B4GALNT4: variants seen among roughly 807,000 people sequenced by gnomAD.
B4GALNT4 encodes N-acetyl-beta-glucosaminyl-glycoprotein 4-beta-N-acetylgalactosaminyltransferase 1.
Under a neutral mutation model 110.0 loss-of-function variants are expected in B4GALNT4, and 77 were observed. That is an observed-to-expected ratio of 0.70 (90% CI 0.58 to 0.85). B4GALNT4 has a LOEUF of 0.85. Among genes scored for constraint, B4GALNT4 ranks in the 40% least tolerant of loss-of-function variants. The pLI is 0.00. For missense variants in B4GALNT4, 1,575 were observed against 1,506.0 expected (o/e 1.05, Z -0.76); for synonymous variants, 785 against 655.5 (o/e 1.20, Z -3.02).
At chr11:372,552 G>T in intron 2 of B4GALNT4, 110 bp from the exon 3 acceptor site, 1 of 966,386 alleles carries the variant, frequency 1.0e-6, no homozygotes. Flanking sequence ...CGGGCATTTA[G>T]GGCTGTGTGG....
chr11:381,399 G>A (rs1448814671), intron 19 of B4GALNT4, among the ~76,000 whole-genome samples: 1 of 27,394 alleles, frequency 3.7e-5, no homozygotes, highest in South Asian at 1.6e-3. Context: ...CCACCTCTCC[G>A]CCCCCGGCCC....
intron 19 of B4GALNT4, 58 bp downstream of exon 19, chr11:381,009 G>C (rs1312824804): frequency 6.4e-7 from 1 of 1,567,866 alleles, no homozygotes; most frequent in Non-Finnish European, 8.7e-7. Context: ...CTCCTCCTCT[G>C]AATGGGGAAG....
chr11:381,813 C>A lies in B4GALNT4; in HGVS notation c.*21C>A. 3 of 1,558,380 alleles carry A rather than the reference C, an allele frequency of 1.9e-6. No homozygotes were observed. The highest frequency in any genetic ancestry group is 2.6e-6 in the Non-Finnish European group (3 of 1,157,822). On this transcript the variant is annotated 3_prime_UTR_variant, in exon 20 of 20. Coordinates refer to ENST00000329962, the MANE Select transcript of B4GALNT4 (RefSeq NM_178537.5). Reference sequence around the variant, plus strand: ...CTTGAGGACGGGCAGCCCCTCCCAGCCCCGGTGGGAGTCCCGAGGCAGCTG... The same window carrying A: ...CTTGAGGACGGGCAGCCCCTCCCAGACCCGGTGGGAGTCCCGAGGCAGCTG...
At position 373,625 on chromosome 11, in the gene B4GALNT4, C is replaced by T. The variant is rs879403625; in HGVS notation, c.704+109C>T. 58 of 1,518,268 alleles carry T rather than the reference C, an allele frequency of 3.8e-5. No homozygotes were observed. In the Admixed American group the frequency reaches 8.6e-4, roughly 22 times the overall value. The allele number at this position is 1,518,268 out of a possible 1,614,324, so 94.0% of individuals were successfully genotyped here. ...TGCGCACACTCTGCACGAGCACCCGCCCGGCCAAGCTGCCATCCTCCTGAG... is the reference window on the plus strand; with the variant it reads ...TGCGCACACTCTGCACGAGCACCCGTCCGGCCAAGCTGCCATCCTCCTGAG... On this transcript the variant is annotated intron_variant, in intron 7 of 19. Coordinates refer to ENST00000329962, the MANE Select transcript of B4GALNT4 (RefSeq NM_178537.5).
rs1050087940 is a variant in B4GALNT4 at position 369,613 on chromosome 11, G to C, written c.-191G>C. Among the ~76,000 whole-genome samples, 1 of 144,288 alleles carries C rather than the reference G, an allele frequency of 6.9e-6. No individual in the cohort carries two copies. The highest frequency in any genetic ancestry group is 2.1e-4 in the South Asian group (1 of 4,724). The allele number at this position is 144,288 out of a possible 152,430, so 94.7% of individuals were successfully genotyped here. On this transcript the variant is annotated 5_prime_UTR_variant, in exon 1 of 20. Coordinates refer to ENST00000329962, the MANE Select transcript of B4GALNT4 (RefSeq NM_178537.5). ...GGAGCCGCCCCCGCCGCCCACCCCGGGCCCGCGGCCGAGGGCGGCCTGGGG... is the reference window on the plus strand; with the variant it reads ...GGAGCCGCCCCCGCCGCCCACCCCGCGCCCGCGGCCGAGGGCGGCCTGGGG...
At position 376,438 on chromosome 11, in the gene B4GALNT4, G is replaced by A. The variant is rs147145922; in HGVS notation, c.1315G>A (p.Asp439Asn). The change falls in exon 14 of 20, where the codon GAC becomes AAC. Residue 439 changes from aspartate (D) to asparagine (N), a missense_variant. Physicochemically the swap from Asp to Asn is conservative, Grantham distance 23. Transcript: ENST00000329962. ...TCCCGCAGACTTCCTGGACGACGAGGACGAGGGGGAGCTGCTCGACAGCCT... is the reference window on the plus strand; with the variant it reads ...TCCCGCAGACTTCCTGGACGACGAGAACGAGGGGGAGCTGCTCGACAGCCT... The part of the protein sequence containing the change: ...LNPDDFLDDE[D>N]EGELLDSLEP... 561 of 1,597,050 alleles carry A rather than the reference G, an allele frequency of 3.5e-4. 1 individual carries two copies. The African/African-American group carries it at 7.0e-3, about 20-fold the overall frequency.
At chr11:371,022 C>A (rs1275947516) in intron 1 of B4GALNT4, among the ~76,000 whole-genome samples, 1 of 152,176 alleles carries the variant, frequency 6.6e-6, no homozygotes, top group Non-Finnish European at 1.5e-5. Flanking sequence ...GGGCAGGATC[C>A]ACAGCTGGCC....
At position 372,091 on chromosome 11, in the gene B4GALNT4, C is replaced by A; in HGVS notation, c.152-18C>A. 1.3e-6 allele frequency: 2 copies of A among 1,545,412 alleles called. No homozygotes were observed. Among genetic ancestry groups the A allele is most frequent in the Non-Finnish European group, 1.7e-6 (2 of 1,143,930 alleles). ...GAGAGAGCCTGGGCCCGAGACAGGCCTCATGTGCCACCTGCAGATGGTGAG... is the reference window on the plus strand; with the variant it reads ...GAGAGAGCCTGGGCCCGAGACAGGCATCATGTGCCACCTGCAGATGGTGAG... On this transcript the variant is annotated intron_variant, in intron 1 of 19. Transcript: ENST00000329962.
Position 377,076 on chromosome 11 carries a change from C to A in B4GALNT4, c.1953C>A (p.Asp651Glu), listed in dbSNP as rs1235322628. The A allele has an allele frequency of 5.5e-6, 8 of 1,445,684 alleles. No homozygotes were observed. The highest frequency in any genetic ancestry group is 7.3e-6 in the Non-Finnish European group (8 of 1,099,446). The allele number at this position is 1,445,684 out of a possible 1,614,324, so 89.6% of individuals were successfully genotyped here. ...GCGAAGAGGAGGAGGAAGGGGAGGA[C>A]GATGGGGCCCCGGGCGACGAGGCCG... ...GEGEEEEEGE[D>E]DGAPGDEAAS... The change falls in exon 14 of 20, where the codon GAC becomes GAA. Residue 651 changes from aspartate (D) to glutamate (E), a missense_variant. Coordinates refer to ENST00000329962, the MANE Select transcript of B4GALNT4 (RefSeq NM_178537.5).
In B4GALNT4 at chr11:376,457, A is replaced by G. The variant is rs1846755674; in HGVS notation, c.1334A>G (p.Asp445Gly). Residue 445 changes from aspartate to glycine, a missense_variant, in exon 14 of 20, where the codon GAC becomes GGC. By Grantham distance (94) the Asp-to-Gly change is moderately conservative (BLOSUM62 -1). Coordinates refer to ENST00000329962, the MANE Select transcript of B4GALNT4 (RefSeq NM_178537.5). ...LDDEDEGELL[D>G]SLEPTEAAPP... ...GACGAGGACGAGGGGGAGCTGCTCGACAGCCTGGAGCCCACCGAGGCGGCC... is the reference window on the plus strand; with the variant it reads ...GACGAGGACGAGGGGGAGCTGCTCGGCAGCCTGGAGCCCACCGAGGCGGCC... 6.3e-7 allele frequency: 1 copy of G among 1,595,416 alleles called. No individual in the cohort carries two copies. Among genetic ancestry groups the G allele is most frequent in the African/African-American group, 1.3e-5 (1 of 74,724 alleles).
At chr11:377,773 C>A (rs7129699) in intron 14 of B4GALNT4, among the ~76,000 whole-genome samples, 1 of 152,234 alleles carries the variant, frequency 6.6e-6, no homozygotes, top group Non-Finnish European at 1.5e-5. Context: ...TGCCCCTGGG[C>A]GTTCCCAGAC....
chr11:375,729 G>A lies in B4GALNT4; in HGVS notation c.941G>A (p.Ser314Asn), dbSNP rs992428281. The change falls in exon 10 of 20, where the codon AGC (serine) becomes AAC (asparagine). Residue 314 changes from serine (S) to asparagine (N), a missense_variant. Ser to Asn is a conservative substitution (Grantham distance 46, BLOSUM62 1). Coordinates refer to ENST00000329962, the MANE Select transcript of B4GALNT4 (RefSeq NM_178537.5). ...GGGCGTCCGCCGCAGGAGGAGACCAGCGCAGACATGCTGCGGCCAGATCCC... is the reference window on the plus strand; with the variant it reads ...GGGCGTCCGCCGCAGGAGGAGACCAACGCAGACATGCTGCGGCCAGATCCC... ...VGGRPPQEET[S>N]ADMLRPDPRD... 2.5e-6 allele frequency: 4 copies of A among 1,596,504 alleles called. No homozygotes were observed. Among genetic ancestry groups the A allele is most frequent in the Admixed American group, 3.3e-5 (2 of 59,760 alleles).
intron 1 of B4GALNT4, among the ~76,000 whole-genome samples, chr11:370,502 G>A (rs1302582931): frequency 6.6e-6 from 1 of 152,168 alleles, no homozygotes; most frequent in Non-Finnish European, 1.5e-5. Context: ...GCGTAGGGAT[G>A]GGGCCCAGCT....
At chr11:375,436 G>A (rs1846723685) in intron 8 of B4GALNT4, 25 bp from the exon 9 acceptor site, 3 of 1,610,666 alleles carry the variant, frequency 1.9e-6, no homozygotes, top group Non-Finnish European at 2.5e-6. Context: ...CCCTGTCCCT[G>A]ACCCCCACCC....
At position 375,847 on chromosome 11, in the gene B4GALNT4, C is replaced by A. The variant is rs996165243; in HGVS notation, c.986C>A (p.Thr329Asn). The part of the protein sequence containing the change: ...RPDPRDTFFL[T>N]PRMESSSLEN... ...CACCCTGTGACCGCACCTCCTGCAGCTCCACGCATGGAATCTTCGAGCCTG... is the reference window on the plus strand; with the variant it reads ...CACCCTGTGACCGCACCTCCTGCAGATCCACGCATGGAATCTTCGAGCCTG... Residue 329 changes from threonine to asparagine, a missense_variant and splice_region_variant, in exon 11 of 20, where the codon ACT becomes AAT. By Grantham distance (65) the Thr-to-Asn change is moderately conservative. Transcript: ENST00000329962. 6.2e-7 allele frequency: 1 copy of A among 1,609,122 alleles called. No individual in the cohort carries two copies. The highest frequency in any genetic ancestry group is 8.5e-7 in the Non-Finnish European group (1 of 1,178,896).
Position 373,759 on chromosome 11 carries a change from C to G in B4GALNT4, c.714C>G (p.Ala238=). ...CTCCTCGTGTCCCCAGGCTCATGGC[C>G]TCCCGGAGGTACTACTTTGAGTTGC... The part of the protein sequence containing the change: ...SQVSKPRRLM[A]SRRYYFELLH... Residue 238 remains alanine (A), a synonymous_variant, in exon 8 of 20, where the codon GCC becomes GCG. Transcript: ENST00000329962. The G allele has an allele frequency of 1.9e-6, 3 of 1,612,324 alleles. No homozygotes were observed. The highest frequency in any genetic ancestry group is 2.2e-5 in the East Asian group (1 of 44,852).
At chr11:370,385 T>C (rs1846595970) in intron 1 of B4GALNT4, among the ~76,000 whole-genome samples, 1 of 152,014 alleles carries the variant, frequency 6.6e-6, no homozygotes, top group African/African-American at 2.4e-5. Flanking sequence ...TCAGTTTCCC[T>C]GTGTGCTGGG....
In B4GALNT4 at chr11:372,935, G is replaced by T. The variant is rs376765254; in HGVS notation, c.432G>T (p.Pro144=). ...ACCTGAGGAGGAACCTGCACTTCCC[G>T]CTGTTCCCTCATGTGAGTGCCGGGG... ...VGHLRRNLHF[P]LFPHTRTTVK... is the part of the protein sequence containing the mutation. The change falls in exon 4 of 20, where the codon CCG becomes CCT. Residue 144 remains proline, a synonymous_variant. Coordinates refer to ENST00000329962, the MANE Select transcript of B4GALNT4 (RefSeq NM_178537.5). 4.0e-5 allele frequency: 64 copies of T among 1,611,946 alleles called. No homozygotes were observed. Among genetic ancestry groups the T allele is most frequent in the East Asian group, 1.6e-4 (7 of 44,846 alleles).
At chr11:377,952 C>G (rs909753447) in intron 14 of B4GALNT4, among the ~76,000 whole-genome samples, 2 of 152,232 alleles carry the variant, frequency 1.3e-5, no homozygotes, top group African/African-American at 4.8e-5. Context: ...TAAGAAGAGG[C>G]AGTGTCTGCT....
Sources: allele counts gnomAD v4.1 joint callset (sites outside exome capture counted in the v4.1 genomes callset), GRCh38; gene constraint gnomAD v4.1.1; transcripts MANE v1.5; gene names NCBI Gene and HGNC (gene_info 2026-07-23, HGNC 2026-07-21).